Variants in WDR41 observed in about 807,000 individuals in gnomAD.
WDR41 encodes the protein WD repeat-containing protein 41.
WDR41 carries 63 observed loss-of-function variants against 69.3 expected under a neutral mutation model. That is an observed-to-expected ratio of 0.91 (90% confidence interval 0.74 to 1.12). WDR41 has a LOEUF of 1.12. Among genes scored for constraint, WDR41 ranks in the 50% most tolerant of loss-of-function variants. The pLI is 0.00. For synonymous variants in WDR41, 185 were observed against 192.1 expected (o/e 0.96, Z 0.31); for missense variants, 543 against 534.5 (o/e 1.02, Z -0.16).
intron 5 of WDR41, among the ~76,000 whole-genome samples, chr5:77,454,603 G>C (rs547904295): frequency 6.6e-6 from 1 of 152,220 alleles, no homozygotes; most frequent in Non-Finnish European, 1.5e-5. Context: ...AGTCAGGAAA[G>C]TGAGTGTTTC....
At chr5:77,435,321 A>G (rs1452142119) in intron 12 of WDR41, among the ~76,000 whole-genome samples, 1 of 152,198 alleles carries the variant, frequency 6.6e-6, no homozygotes, top group Non-Finnish European at 1.5e-5. Context: ...TCAGCAAGAA[A>G]TGTTTCTTCT....
At chr5:77,476,007 C>G (rs1168437491) in intron 2 of WDR41, among the ~76,000 whole-genome samples, 1 of 151,864 alleles carries the variant, frequency 6.6e-6, no homozygotes, top group Non-Finnish European at 1.5e-5. Flanking sequence ...ACCAAGGCTC[C>G]AGAACTACAT....
chr5:77,510,065 A>T (rs1345784753), intron 1 of WDR41, among the ~76,000 whole-genome samples: 1 of 152,162 alleles, frequency 6.6e-6, no homozygotes, highest in Non-Finnish European at 1.5e-5. Flanking sequence ...CAGGTGTATT[A>T]GTCCATTTCC....
At chr5:77,507,785 A>AT (rs1802134485) in intron 1 of WDR41, among the ~76,000 whole-genome samples, 2 of 152,050 alleles carry the variant, frequency 1.3e-5, no homozygotes, top group African/African-American at 4.8e-5. Flanking sequence ...TTATTGCATA[A>AT]TTTTTTAATG....
At chr5:77,449,968 C>T (rs779553432) in intron 7 of WDR41, 98 bp from the exon 8 acceptor site, 40 of 791,786 alleles carry the variant, frequency 5.1e-5, no homozygotes, top group African/African-American at 8.8e-5. Context: ...GTGAAAAATA[C>T]CTACCATACT....
intron 2 of WDR41, among the ~76,000 whole-genome samples, chr5:77,470,979 C>G (rs1445442793): frequency 6.6e-6 from 1 of 152,188 alleles, no homozygotes; most frequent in Non-Finnish European, 1.5e-5. Flanking sequence ...ATACATTCTT[C>G]TCAGCATCAC....
intron 1 of WDR41, among the ~76,000 whole-genome samples, chr5:77,521,233 C>T (rs776192893): frequency 1.3e-5 from 2 of 152,226 alleles, no homozygotes; most frequent in Non-Finnish European, 2.9e-5. Context: ...TAGTTAGATT[C>T]TCATAAGGAG....
intron 2 of WDR41, among the ~76,000 whole-genome samples, chr5:77,479,523 T>A (rs971418090): frequency 6.6e-6 from 1 of 152,012 alleles, no homozygotes; most frequent in African/African-American, 2.4e-5. Context: ...ACGCCGCATA[T>A]CTACAACTAT....
chr5:77,576,893 A>AT (rs983850623), intron 1 of WDR41, among the ~76,000 whole-genome samples: 8 of 152,188 alleles, frequency 5.3e-5, no homozygotes, highest in African/African-American at 1.9e-4. Flanking sequence ...TTTAAGATTA[A>AT]TTTTTGTGGT....
intron 2 of WDR41, among the ~76,000 whole-genome samples, chr5:77,469,326 G>A (rs192834235): frequency 1.4e-4 from 21 of 152,182 alleles, no homozygotes; most frequent in African/African-American, 5.1e-4. Flanking sequence ...CACCAACACG[G>A]CACATGTATA....
intron 10 of WDR41, 26 bp from the exon 11 acceptor site, chr5:77,437,450 C>T (rs1422314998): frequency 6.3e-7 from 1 of 1,596,554 alleles, no homozygotes; most frequent in Non-Finnish European, 8.6e-7. Context: ...ATCAGTAATA[C>T]AAAAAGAGCG....
At chr5:77,447,156 G>A (rs556848160) in intron 8 of WDR41, among the ~76,000 whole-genome samples, 9 of 152,146 alleles carry the variant, frequency 5.9e-5, no homozygotes, top group Admixed American at 3.9e-4. Flanking sequence ...AAAAACATAT[G>A]AAAAAAAGCT....
At chr5:77,619,559 G>C (rs1002394546) in intron 1 of WDR41, among the ~76,000 whole-genome samples, 3 of 152,036 alleles carry the variant, frequency 2.0e-5, no homozygotes, top group Non-Finnish European at 4.4e-5. Flanking sequence ...CTGACCCCAA[G>C]TCCAGGTGTC....
chr5:77,515,925 G>A (rs149643114), intron 1 of WDR41, among the ~76,000 whole-genome samples: 60 of 152,264 alleles, frequency 3.9e-4, no homozygotes, highest in African/African-American at 8.9e-4. Flanking sequence ...CATATTGGAC[G>A]TTTAGATTGT....
chr5:77,512,805 G>T (rs993145012), intron 1 of WDR41, among the ~76,000 whole-genome samples: 1 of 149,234 alleles, frequency 6.7e-6, no homozygotes, highest in Non-Finnish European at 1.5e-5. Flanking sequence ...GTAGGAAAAT[G>T]ATGTTTAAAA....
Position 77,613,284 on chromosome 5 carries a change from G to GA in WDR41, c.42+7194dup, listed in dbSNP as rs1744601557. Among the ~76,000 whole-genome samples, 3 of 152,096 alleles carry GA rather than the reference G, an allele frequency of 2.0e-5. No individual in the cohort carries two copies. In the South Asian group the frequency reaches 6.2e-4, roughly 32 times the overall value. Reference sequence around the variant, plus strand: ...ACCAATGACTTTCTTCACAGAATTGGAAAAAACTACTTTAAAGTTCATATG... The same window carrying GA: ...ACCAATGACTTTCTTCACAGAATTGGAAAAAAACTACTTTAAAGTTCATATG... On this transcript the variant is annotated intron_variant, in intron 1 of 5. Transcript: ENST00000509971.
At chr5:77,569,144 A>G (rs2112270619) in intron 1 of WDR41, among the ~76,000 whole-genome samples, 1 of 152,304 alleles carries the variant, frequency 6.6e-6, no homozygotes, top group Non-Finnish European at 1.5e-5. Flanking sequence ...TTAAAAAAGA[A>G]AAATGTTCCT....
chr5:77,560,597 A>C (rs1424512527), intron 1 of WDR41, among the ~76,000 whole-genome samples: 1 of 152,176 alleles, frequency 6.6e-6, no homozygotes, highest in African/African-American at 2.4e-5. Context: ...TGAATGATGA[A>C]TATAAAAACT....
intron 1 of WDR41, among the ~76,000 whole-genome samples, chr5:77,608,266 C>G (rs567055354): frequency 1.3e-5 from 2 of 152,136 alleles, no homozygotes. Context: ...CTTTTTAAGG[C>G]CGAATAATAT....
Sources: gnomAD v4.1 joint callset for allele counts (sites outside exome capture counted in the v4.1 genomes callset) on GRCh38, gnomAD v4.1.1 for gene constraint, MANE v1.5 for transcripts, NCBI Gene and HGNC (gene_info 2026-07-23, HGNC 2026-07-21) for gene names.